The following TMEM132D variants were observed in gnomAD, a reference collection of about 807,000 sequenced individuals.
The protein encoded by TMEM132D is mature OL transmembrane protein.
TMEM132D carries 21 observed loss-of-function variants against 62.3 expected under a neutral mutation model. The observed-to-expected ratio is 0.34, with a 90% CI of 0.24 to 0.49. The LOEUF (loss-of-function observed/expected upper bound fraction) is 0.49, where lower values mean the gene tolerates loss of function less well. Ranked by LOEUF, TMEM132D falls within the 20% of genes least tolerant of loss-of-function variation. TMEM132D has a pLI of 0.99. For missense variants in TMEM132D, 1,346 were observed against 1,402.8 expected (o/e 0.96, Z 0.65); for synonymous variants, 621 against 575.6 (o/e 1.08, Z -1.13).
At chr12:129,433,897 T>G (rs1872724641) in intron 3 of TMEM132D, among the ~76,000 whole-genome samples, 1 of 152,088 alleles carries the variant, frequency 6.6e-6, no homozygotes, top group Admixed American at 6.5e-5. Context: ...CAAACCAAAC[T>G]GACAGTCAGA....
At chr12:129,720,328 T>C (rs149783414) in intron 1 of TMEM132D, among the ~76,000 whole-genome samples, 181 of 152,338 alleles carry the variant, frequency 1.2e-3, no homozygotes, top group African/African-American at 4.1e-3. Context: ...ACATTCCCAT[T>C]CTGACTGATT....
chr12:129,864,667 C>T (rs1343754032), intron 1 of TMEM132D, among the ~76,000 whole-genome samples: 1 of 152,164 alleles, frequency 6.6e-6, no homozygotes, highest in African/African-American at 2.4e-5. Context: ...GATGTTGGGT[C>T]CCTGGATCAA....
chr12:129,282,096 C>G (rs1037673248), intron 4 of TMEM132D, among the ~76,000 whole-genome samples: 1 of 151,886 alleles, frequency 6.6e-6, no homozygotes, highest in African/African-American at 2.4e-5. Flanking sequence ...CCAGCCTCCA[C>G]TCCTACAAAA....
At chr12:129,259,746 A>G (rs1880505076) in intron 4 of TMEM132D, among the ~76,000 whole-genome samples, 1 of 152,190 alleles carries the variant, frequency 6.6e-6, no homozygotes, top group African/African-American at 2.4e-5. Flanking sequence ...TTTGGGAACC[A>G]TTTTAGAAGA....
intron 3 of TMEM132D, among the ~76,000 whole-genome samples, chr12:129,343,839 G>A (rs1869596129): frequency 6.6e-6 from 1 of 152,168 alleles, no homozygotes; most frequent in Non-Finnish European, 1.5e-5. Flanking sequence ...GCTGAGGCAG[G>A]AGAATTGCTT....
Position 129,403,734 on chromosome 12 carries a change from A to T in TMEM132D, c.1116-65917T>A, listed in dbSNP as rs1243909426. ...CGCATGGAGTTAGAAAATTAATTTTAAAAAACTAGTAAATGATAGCAGTAC... is the reference window on the plus strand; with the variant it reads ...CGCATGGAGTTAGAAAATTAATTTTTAAAAACTAGTAAATGATAGCAGTAC... On this transcript the variant is annotated intron_variant, in intron 3 of 8. Coordinates refer to ENST00000422113, the MANE Select transcript of TMEM132D (RefSeq NM_133448.3). Among the ~76,000 whole-genome samples the T allele has an allele frequency of 4.6e-5, 7 of 152,294 alleles. 1 individual carries two copies. The highest frequency in any genetic ancestry group is 3.9e-4 in the Admixed American group (6 of 15,298).
At chr12:129,695,481 C>G (rs1380137280) in intron 2 of TMEM132D, among the ~76,000 whole-genome samples, 1 of 152,206 alleles carries the variant, frequency 6.6e-6, no homozygotes, top group East Asian at 1.9e-4. Flanking sequence ...CTCTATCAAT[C>G]CCCACTAGGG....
At chr12:129,622,104 G>A (rs1879087825) in intron 2 of TMEM132D, among the ~76,000 whole-genome samples, 1 of 152,142 alleles carries the variant, frequency 6.6e-6, no homozygotes, top group South Asian at 2.1e-4. Flanking sequence ...TCTCTTCTCA[G>A]AGACACACAT....
rs769583722 is a variant in TMEM132D, at chr12:129,700,251, G to T, written c.527C>A (p.Thr176Asn). The T allele has an allele frequency of 3.1e-6, 5 of 1,613,198 alleles. No homozygotes were observed. The South Asian group carries it at 5.5e-5, about 18-fold the overall frequency. Residue 176 changes from threonine (T) to asparagine (N), a missense_variant, in exon 2 of 9, where the codon ACC becomes AAC. Transcript: ENST00000422113. ...CCGGCAGCTGCCCCGCACCTCTCGG[G>T]TCTCTCGGAAAGCAAAGACCCTCAG... ...PCLRVFAFRE[T>N]REVRGSCRLQ...
intron 2 of TMEM132D, among the ~76,000 whole-genome samples, chr12:129,618,895 C>T (rs1027995804): frequency 6.6e-6 from 1 of 152,076 alleles, no homozygotes; most frequent in African/African-American, 2.4e-5. Flanking sequence ...TACATTGGTT[C>T]GATCTGGAAG....
intron 4 of TMEM132D, among the ~76,000 whole-genome samples, chr12:129,245,173 A>G (rs925244792): frequency 1.5e-4 from 23 of 152,300 alleles, no homozygotes; most frequent in African/African-American, 5.3e-4. Flanking sequence ...ATCCCACAGA[A>G]CAGTCTCACT....
chr12:129,576,884 C>T (rs1877677388), intron 2 of TMEM132D, among the ~76,000 whole-genome samples: 2 of 151,832 alleles, frequency 1.3e-5, no homozygotes, highest in African/African-American at 2.4e-5. Context: ...AACACATTTC[C>T]AGCACTTTGC....
intron 2 of TMEM132D, among the ~76,000 whole-genome samples, chr12:129,655,573 C>T (rs28760493): frequency 4.0e-5 from 6 of 151,888 alleles, no homozygotes; most frequent in African/African-American, 1.2e-4. Context: ...ACTTACCCTT[C>T]GTGGGGGCGT....
rs115417713 is a variant in TMEM132D at position 129,080,943 on chromosome 12, T to C, written c.1923+816A>G. ...CAGCAGAAGGGGCCCACGAGACATA[T>C]GGAGGCACAATCACTTCACTTCGTC... On this transcript the variant is annotated intron_variant, in intron 7 of 8. Coordinates refer to ENST00000422113, the MANE Select transcript of TMEM132D (RefSeq NM_133448.3). Among the ~76,000 whole-genome samples, 344 of 152,196 alleles carry C rather than the reference T, an allele frequency of 2.3e-3. 1 individual carries two copies. The highest frequency in any genetic ancestry group is 7.5e-3 in the African/African-American group (313 of 41,542).
chr12:129,341,389 C>T (rs1213158046), intron 3 of TMEM132D, among the ~76,000 whole-genome samples: 1 of 152,178 alleles, frequency 6.6e-6, no homozygotes, highest in African/African-American at 2.4e-5. Flanking sequence ...ACCTCCCATG[C>T]ATTCAAATTG....
At chr12:129,636,737 T>TGTGTGTGTGTGTGTGTGTGTGAGA (rs375868329) in intron 2 of TMEM132D, among the ~76,000 whole-genome samples, 7 of 113,634 alleles carry the variant, frequency 6.2e-5, no homozygotes, top group East Asian at 2.9e-4. Context: ...TGTGTGTGTG[T>TGTGTGTGTGTGTGTGTGTGTGAGA]GAGAGAGAGA....
chr12:129,723,520 A>T (rs964773195), intron 1 of TMEM132D, among the ~76,000 whole-genome samples: 2 of 152,150 alleles, frequency 1.3e-5, no homozygotes, highest in African/African-American at 4.8e-5. Flanking sequence ...AAGAGGTCGG[A>T]TATTTCTCTC....
chr12:129,415,473 A>G (rs1872089734), intron 3 of TMEM132D, among the ~76,000 whole-genome samples: 1 of 152,236 alleles, frequency 6.6e-6, no homozygotes, highest in African/African-American at 2.4e-5. Flanking sequence ...TGAAAAATAC[A>G]TAAGAAACAC....
At chr12:129,812,560 T>C (rs1462121606) in intron 1 of TMEM132D, among the ~76,000 whole-genome samples, 2 of 151,810 alleles carry the variant, frequency 1.3e-5, no homozygotes, top group African/African-American at 2.4e-5. Flanking sequence ...TGGCTCTGTC[T>C]CCACCACATC....
Sources: gnomAD v4.1 joint callset for allele counts (sites outside exome capture counted in the v4.1 genomes callset) on GRCh38, gnomAD v4.1.1 for gene constraint, MANE v1.5 for transcripts, NCBI Gene and HGNC (gene_info 2026-07-23, HGNC 2026-07-21) for gene names.